ANKFN1: variants seen among roughly 807,000 people sequenced by gnomAD.
The protein encoded by ANKFN1 is ankyrin repeat and fibronectin type III domain containing 1.
A neutral mutation model predicts 108.7 loss-of-function variants in ANKFN1; 74 were observed. The observed-to-expected ratio is 0.68, with a 90% CI of 0.56 to 0.83. The LOEUF is 0.83. Among genes scored for constraint, ANKFN1 ranks in the 40% least tolerant of loss-of-function variants. The pLI is 0.00. For synonymous variants in ANKFN1, 547 were observed against 516.2 expected (o/e 1.06, Z -0.81); for missense variants, 1,505 against 1,382.3 (o/e 1.09, Z -1.41).
chr17:56,204,817 C>T (rs1175844459), intron 1 of ANKFN1, among the ~76,000 whole-genome samples: 5 of 151,998 alleles, frequency 3.3e-5, no homozygotes, highest in African/African-American at 9.7e-5. Context: ...GGCTCACGCC[C>T]GTAATCCCAG....
At chr17:56,119,579 T>C (rs1435854997) in intron 4 of ANKFN1, among the ~76,000 whole-genome samples, 1 of 152,160 alleles carries the variant, frequency 6.6e-6, no homozygotes, top group Non-Finnish European at 1.5e-5. Context: ...GAAAGAAACA[T>C]GGTTCATTTT....
chr17:56,238,643 C>G (rs1223180192), intron 3 of ANKFN1, among the ~76,000 whole-genome samples: 1 of 152,108 alleles, frequency 6.6e-6, no homozygotes, highest in Non-Finnish European at 1.5e-5. Context: ...GGCAGATTTC[C>G]TCCATCCCTT....
At position 56,100,793 on chromosome 17, in the gene ANKFN1, T is replaced by G. The variant is rs141321144; in HGVS notation, c.288+54468T>G. 4.2e-4 allele frequency among the ~76,000 whole-genome samples: 64 copies of G among 152,268 alleles called. No individual in the cohort carries two copies. In the East Asian group the frequency reaches 0.011, roughly 25 times the overall value. On this transcript the variant is annotated intron_variant, in intron 4 of 12. Coordinates refer to the ANKFN1 transcript ENST00000635860. ...GTCTATTCTGTCCCAATTCCCAAAT[T>G]TAGGATGTAGTGAATTTGTCCTTTG...
At chr17:56,383,376 AG>A (rs2047163395) in intron 8 of ANKFN1, among the ~76,000 whole-genome samples, 1 of 152,234 alleles carries the variant, frequency 6.6e-6, no homozygotes, top group African/African-American at 2.4e-5. Flanking sequence ...AAGAGAAAGC[AG>A]GAAAGATCCA....
chr17:56,063,950 C>G (rs763282667), intron 4 of ANKFN1, among the ~76,000 whole-genome samples: 26 of 152,044 alleles, frequency 1.7e-4, no homozygotes, highest in Non-Finnish European at 2.5e-4. Context: ...GTTGATGATG[C>G]TGTTGTTGTT....
At position 56,205,825 on chromosome 17, in the gene ANKFN1, A is replaced by G. The variant is rs114659131; in HGVS notation, c.-70-6773A>G. Among the ~76,000 whole-genome samples the G allele has an allele frequency of 1.6e-3, 240 of 152,256 alleles. 1 individual carries two copies. The highest frequency in any genetic ancestry group is 5.5e-3 in the African/African-American group (227 of 41,564). On this transcript the variant is annotated intron_variant, in intron 1 of 20. Transcript: ENST00000682825. ...CTTGACATCTTTTATTGTGCATCAAATCTACACTAGTCCTGAAATATCAAG... is the reference window on the plus strand; with the variant it reads ...CTTGACATCTTTTATTGTGCATCAAGTCTACACTAGTCCTGAAATATCAAG...
intron 3 of ANKFN1, among the ~76,000 whole-genome samples, chr17:56,230,176 G>A (rs1164514881): frequency 6.6e-6 from 1 of 152,092 alleles, no homozygotes; most frequent in African/African-American, 2.4e-5. Context: ...CACGGATGGA[G>A]GACAGCTTTA....
At chr17:56,323,181 A>C (rs750870078) in intron 3 of ANKFN1, 2 of 152,310 alleles carry the variant, frequency 1.3e-5, no homozygotes, top group East Asian at 3.9e-4. Flanking sequence ...CAGTGTTCCA[A>C]ATGAGAACAT....
intron 10 of ANKFN1, among the ~76,000 whole-genome samples, chr17:56,444,080 T>A (rs2145177401): frequency 6.6e-6 from 1 of 152,316 alleles, no homozygotes; most frequent in Middle Eastern, 3.4e-3. Context: ...AATGCACTCA[T>A]AAAATGAAGC....
At chr17:56,068,703 T>A (rs750294912) in intron 4 of ANKFN1, among the ~76,000 whole-genome samples, 5 of 152,206 alleles carry the variant, frequency 3.3e-5, no homozygotes, top group Non-Finnish European at 5.9e-5. Flanking sequence ...ATAATCTTTT[T>A]CATATTGTAT....
At position 56,310,748 on chromosome 17, in the gene ANKFN1, TTGTG is replaced by T. The variant is rs71137198; in HGVS notation, c.54-15451_54-15448del. Among the ~76,000 whole-genome samples the T allele has an allele frequency of 7.0e-3, 1,051 of 150,182 alleles. 21 individuals are homozygous for T. Among genetic ancestry groups the T allele is most frequent in the Admixed American group, 0.049 (739 of 15,094 alleles). ...ACATATCCATCATCTCACAATTACT[TTGTG>T]TGTGTGTGTGTGTGTGTGTGTAGAA... On this transcript the variant is annotated intron_variant, in intron 3 of 20. Transcript: ENST00000682825.
intron 2 of ANKFN1, among the ~76,000 whole-genome samples, chr17:56,214,396 A>G (rs946413326): frequency 3.9e-5 from 6 of 152,212 alleles, no homozygotes; most frequent in African/African-American, 1.4e-4. Flanking sequence ...AAAATTTGTC[A>G]AAGAGTAGGA....
chr17:56,326,583 A>C (rs1385228062), intron 4 of ANKFN1, among the ~76,000 whole-genome samples: 1 of 152,222 alleles, frequency 6.6e-6, no homozygotes, highest in Non-Finnish European at 1.5e-5. Context: ...GGGGGTAGGG[A>C]AGCCCCATTT....
chr17:56,050,073 T>G (rs1035068467), intron 4 of ANKFN1, among the ~76,000 whole-genome samples: 1 of 152,002 alleles, frequency 6.6e-6, no homozygotes, highest in Non-Finnish European at 1.5e-5. Context: ...GACTTTTTAA[T>G]GATTGCCATT....
chr17:56,458,524 C>T (rs1207404419), intron 14 of ANKFN1, among the ~76,000 whole-genome samples: 2 of 152,016 alleles, frequency 1.3e-5, no homozygotes, highest in Non-Finnish European at 2.9e-5. Context: ...TATCTTTAAG[C>T]CTGAATTGAT....
chr17:56,439,651 A>G (rs1380575175), intron 8 of ANKFN1, among the ~76,000 whole-genome samples: 2 of 152,178 alleles, frequency 1.3e-5, no homozygotes, highest in Non-Finnish European at 2.9e-5. Flanking sequence ...GGAAGGGAGC[A>G]GTATATAAGG....
At chr17:56,401,913 A>C (rs1463413486) in intron 8 of ANKFN1, among the ~76,000 whole-genome samples, 1 of 151,996 alleles carries the variant, frequency 6.6e-6, no homozygotes, top group Non-Finnish European at 1.5e-5. Context: ...GCAATGCTGG[A>C]TTTTGTTGAA....
chr17:56,131,504 G>T (rs8079380), intron 4 of ANKFN1, among the ~76,000 whole-genome samples: 28,985 of 152,150 alleles, frequency 0.19, 3,300 homozygotes, highest in African/African-American at 0.3. Flanking sequence ...ACTCTAATTT[G>T]TATCTCTTTT....
chr17:56,384,513 A>G (rs1050611852), intron 8 of ANKFN1, among the ~76,000 whole-genome samples: 21 of 152,216 alleles, frequency 1.4e-4, no homozygotes, highest in Admixed American at 3.3e-4. Context: ...AGGGTATTCA[A>G]TTAGGAAAAG....
Sources: gnomAD v4.1 joint callset for allele counts (sites outside exome capture counted in the v4.1 genomes callset) on GRCh38, gnomAD v4.1.1 for gene constraint, MANE v1.5 for transcripts, NCBI Gene and HGNC (gene_info 2026-07-23, HGNC 2026-07-21) for gene names.